Variants in ADGRL2 observed in about 807,000 individuals in gnomAD.
ADGRL2 encodes adhesion G protein-coupled receptor L2, also known as calcium-independent alpha-latrotoxin receptor 2.
A neutral mutation model predicts 157.4 loss-of-function variants in ADGRL2; 44 were observed. The observed-to-expected ratio is 0.28, with a 90% CI of 0.22 to 0.36. The LOEUF (loss-of-function observed/expected upper bound fraction) is 0.36, where lower values mean the gene tolerates loss of function less well. Ranked by LOEUF, ADGRL2 falls within the 10% of genes least tolerant of loss-of-function variation. ADGRL2 has a pLI of 1.00. For synonymous variants in ADGRL2, 585 were observed against 624.7 expected, an observed-to-expected ratio of 0.94 and a Z score of 0.95; for missense variants, 1,510 against 1,768.9, an observed-to-expected ratio of 0.85 and a Z score of 2.63.
intron 2 of ADGRL2, among the ~76,000 whole-genome samples, chr1:81,451,998 G>T (rs1392541519): frequency 1.3e-5 from 2 of 152,002 alleles, no homozygotes; most frequent in Admixed American, 6.6e-5. Context: ...CTCTCCATGG[G>T]TTCACATTAG....
chr1:81,498,241 A>G (rs2147995641), intron 2 of ADGRL2, among the ~76,000 whole-genome samples: 1 of 152,282 alleles, frequency 6.6e-6, no homozygotes, highest in South Asian at 2.1e-4. Context: ...TAAAGTTGGA[A>G]TTCAAGGTAA....
chr1:81,800,894 G>A (rs935630718), upstream of ADGRL2, among the ~76,000 whole-genome samples: 1 of 149,470 alleles, frequency 6.7e-6, no homozygotes. Context: ...GAAGGGGAGG[G>A]GCGCGAGCTG....
At chr1:81,851,734 T>TTGTGTGTGTGTGTGTGTGTGTG (rs5775643) in intron 2 of ADGRL2, among the ~76,000 whole-genome samples, 13 of 146,420 alleles carry the variant, frequency 8.9e-5, no homozygotes, top group East Asian at 6.1e-4. Context: ...CCACTTAAAT[T>TTGTGTGTGTGTGTGTGTGTGTG]TGTGTGTGTG....
At chr1:81,353,527 C>T (rs937592914) in intron 1 of ADGRL2, among the ~76,000 whole-genome samples, 1 of 151,904 alleles carries the variant, frequency 6.6e-6, no homozygotes, top group Non-Finnish European at 1.5e-5. Context: ...ATGATGAGAG[C>T]TTTAAAGACC....
At chr1:81,865,745 A>C (rs2093524146) in intron 2 of ADGRL2, among the ~76,000 whole-genome samples, 1 of 152,162 alleles carries the variant, frequency 6.6e-6, no homozygotes, top group Non-Finnish European at 1.5e-5. Flanking sequence ...ATTGTCTATG[A>C]AATCTTGATC....
chr1:81,423,534 A>G (rs1045824438), intron 1 of ADGRL2, among the ~76,000 whole-genome samples: 3 of 152,236 alleles, frequency 2.0e-5, no homozygotes, highest in Non-Finnish European at 4.4e-5. Flanking sequence ...CAAGTCAGTC[A>G]TGGGGACTCT....
chr1:81,809,261 CT>C (rs1023198141), intron 1 of ADGRL2, among the ~76,000 whole-genome samples: 9 of 151,782 alleles, frequency 5.9e-5, no homozygotes, highest in African/African-American at 1.7e-4. Context: ...CTTTGGAGGA[CT>C]TTTTTTGCGG....
intron 3 of ADGRL2, among the ~76,000 whole-genome samples, chr1:81,683,435 C>A (rs1038507987): frequency 6.6e-6 from 1 of 152,080 alleles, no homozygotes; most frequent in Non-Finnish European, 1.5e-5. Context: ...AGTCTTTTAT[C>A]CCTTGCCTCC....
chr1:81,984,732 A>G, intron 20 of ADGRL2, 21 bp downstream of exon 20: 1 of 1,611,060 alleles, frequency 6.2e-7, no homozygotes, highest in Non-Finnish European at 8.5e-7. Context: ...GTTTGACAGC[A>G]TCTTTAATTA....
chr1:81,857,911 TTAC>T (rs2093259506), intron 2 of ADGRL2, among the ~76,000 whole-genome samples: 1 of 152,188 alleles, frequency 6.6e-6, no homozygotes, highest in Admixed American at 6.6e-5. Context: ...TTCTTTATCC[TTAC>T]TACTATCAAC....
intron 3 of ADGRL2, among the ~76,000 whole-genome samples, chr1:81,612,630 A>ATATAT (rs1205475119): frequency 6.6e-5 from 10 of 152,098 alleles, no homozygotes; most frequent in African/African-American, 1.7e-4. Context: ...TTTGTTGTGG[A>ATATAT]ACCCTATGGA....
chr1:81,327,848 A>T (rs1266172184), intron 1 of ADGRL2, among the ~76,000 whole-genome samples: 1 of 152,164 alleles, frequency 6.6e-6, no homozygotes, highest in African/African-American at 2.4e-5. Flanking sequence ...CGTATAGGTC[A>T]TCCTGATACA....
At chr1:81,977,684 T>C (rs1316402826) in intron 17 of ADGRL2, among the ~76,000 whole-genome samples, 1 of 151,778 alleles carries the variant, frequency 6.6e-6, no homozygotes, top group African/African-American at 2.4e-5. Context: ...GAATAACTTC[T>C]TTCTTTCCAG....
chr1:81,437,975 G>A (rs150186716), intron 1 of ADGRL2, among the ~76,000 whole-genome samples: 174 of 151,878 alleles, frequency 1.1e-3, no homozygotes, highest in African/African-American at 4.0e-3. Flanking sequence ...TGTCCCCACA[G>A]AGGCCATTGC....
At position 81,936,597 on chromosome 1, in the gene ADGRL2, T is replaced by C. The variant is rs1003106870; in HGVS notation, c.288-131T>C. The C allele has an allele frequency of 7.7e-6, 4 of 516,958 alleles. No homozygotes were observed. The South Asian group carries it at 1.4e-4, about 18-fold the overall frequency. 32.0% of individuals were successfully genotyped at this position (516,958 alleles called of 1,614,324 possible). On this transcript the variant is annotated intron_variant, in intron 3 of 23. Coordinates refer to ENST00000686636, the MANE Select transcript of ADGRL2 (RefSeq NM_001366006.2). ...AAAATATTTAATAATGTAGAGTAAC[T>C]TAACATCACTTGAATTTTTGTTTTA...
intron 3 of ADGRL2, among the ~76,000 whole-genome samples, chr1:81,917,546 T>C (rs752224759): frequency 1.1e-4 from 17 of 152,220 alleles, no homozygotes; most frequent in Middle Eastern, 3.2e-3. Context: ...TTTTGTAGTC[T>C]TTAACACATT....
At chr1:81,986,106 T>G (rs1572527756) in intron 21 of ADGRL2, among the ~76,000 whole-genome samples, 1 of 152,084 alleles carries the variant, frequency 6.6e-6, no homozygotes, top group Non-Finnish European at 1.5e-5. Flanking sequence ...TTTTAAGATA[T>G]TTTTATCCAA....
chr1:81,730,915 A>T (rs1041571128), intron 1 of ADGRL2, among the ~76,000 whole-genome samples: 1 of 149,290 alleles, frequency 6.7e-6, no homozygotes, highest in Admixed American at 6.6e-5. Flanking sequence ...ACACAGACAA[A>T]ACCTGTAATT....
intron 1 of ADGRL2, among the ~76,000 whole-genome samples, chr1:81,390,233 G>A (rs1393720880): frequency 2.0e-5 from 3 of 152,288 alleles, no homozygotes; most frequent in Non-Finnish European, 4.4e-5. Context: ...GCAAAGAATG[G>A]TGCATGTAGC....
Sources: allele counts gnomAD v4.1 joint callset (sites outside exome capture counted in the v4.1 genomes callset), GRCh38; gene constraint gnomAD v4.1.1; transcripts MANE v1.5; gene names NCBI Gene and HGNC (gene_info 2026-07-23, HGNC 2026-07-21).